The following ALPK2 variants were observed in gnomAD, a reference collection of about 807,000 sequenced individuals.
The protein encoded by ALPK2 is alpha kinase 2.
In ALPK2, 127 loss-of-function variants were observed where a neutral mutation model predicts 163.1. That is an observed-to-expected ratio of 0.78 (90% CI 0.67 to 0.90). The LOEUF (loss-of-function observed/expected upper bound fraction) is 0.90, where lower values mean the gene tolerates loss of function less well. ALPK2 is among the 40% of genes least tolerant of loss of function. The probability of loss-of-function intolerance (pLI) is 0.00; values close to 1 mark genes in which losing one functional copy is unlikely to be tolerated. For missense variants in ALPK2, 2,360 were observed against 2,589.6 expected, an observed-to-expected ratio of 0.91 and a Z score of 1.92; for synonymous variants, 953 against 959.1, an observed-to-expected ratio of 0.99 and a Z score of 0.12.
intron 4 of ALPK2, among the ~76,000 whole-genome samples, chr18:58,570,592 T>C (rs2051880725): frequency 6.6e-6 from 1 of 152,244 alleles, no homozygotes; most frequent in Non-Finnish European, 1.5e-5. Flanking sequence ...TTTGAAGGCA[T>C]GAACTCTCAA....
At chr18:58,583,217 T>C (rs1178027955) in intron 3 of ALPK2, among the ~76,000 whole-genome samples, 2 of 152,154 alleles carry the variant, frequency 1.3e-5, no homozygotes, top group African/African-American at 4.8e-5. Flanking sequence ...CAGAATCAGG[T>C]TGGAGTTGGG....
At chr18:58,601,748 A>G (rs2052071040) in intron 3 of ALPK2, among the ~76,000 whole-genome samples, 1 of 152,220 alleles carries the variant, frequency 6.6e-6, no homozygotes, top group Admixed American at 6.5e-5. Context: ...CTTGAGTGGC[A>G]TGAATGAGCA....
intron 1 of ALPK2, among the ~76,000 whole-genome samples, chr18:58,620,432 A>G (rs548226324): frequency 1.5e-4 from 23 of 152,372 alleles, no homozygotes; most frequent in African/African-American, 5.5e-4. Context: ...ATAATTATAC[A>G]ATATAATTCC....
At chr18:58,568,210 GGGATGCATATAT>G (rs1357665318) in intron 4 of ALPK2, among the ~76,000 whole-genome samples, 1 of 152,164 alleles carries the variant, frequency 6.6e-6, no homozygotes, top group Non-Finnish European at 1.5e-5. Flanking sequence ...AGGTGTTTCT[GGGATGCATATAT>G]GGCACTAGGA....
chr18:58,601,557 C>CT (rs2052069824), intron 3 of ALPK2, among the ~76,000 whole-genome samples: 1 of 152,170 alleles, frequency 6.6e-6, no homozygotes, highest in Non-Finnish European at 1.5e-5. Flanking sequence ...TGAGGCCCTG[C>CT]AGCTCCGTGA....
At position 58,579,661 on chromosome 18, in the gene ALPK2, C is replaced by T. The variant is rs373542550; in HGVS notation, c.1115G>A (p.Gly372Asp). ...EEMEFGEHCL[G>D]GCEHFLSGMG... is the part of the protein sequence containing the mutation. ...TCCACTGAGGAAATGCTCACACCCA[C>T]CCAGGCAATGCTCACCGAATTCCAT... Residue 372 changes from glycine (G) to aspartate (D), a missense_variant, in exon 4 of 13, where the codon GGT becomes GAT. By Grantham distance (94) the Gly-to-Asp change is moderately conservative. Transcript: ENST00000361673. The T allele has an allele frequency of 7.4e-6, 12 of 1,614,108 alleles. No individual in the cohort carries two copies. In the African/African-American group the frequency reaches 1.6e-4, roughly 22 times the overall value.
intron 1 of ALPK2, among the ~76,000 whole-genome samples, chr18:58,615,796 G>A (rs1311316424): frequency 6.6e-6 from 1 of 152,240 alleles, no homozygotes; most frequent in Non-Finnish European, 1.5e-5. Flanking sequence ...GTCAAGAGCT[G>A]GGCTGACGTT....
At chr18:58,617,483 A>G (rs557577372) in intron 1 of ALPK2, among the ~76,000 whole-genome samples, 49 of 152,258 alleles carry the variant, frequency 3.2e-4, no homozygotes, top group Non-Finnish European at 6.3e-4. Flanking sequence ...TACTGTGCCC[A>G]GCCAACTTCT....
intron 3 of ALPK2, among the ~76,000 whole-genome samples, chr18:58,595,084 G>A (rs536831697): frequency 2.2e-4 from 34 of 152,150 alleles, no homozygotes; most frequent in Middle Eastern, 3.2e-3. Context: ...ATGAGCTGAC[G>A]TGGGAGTCAC....
intron 8 of ALPK2, among the ~76,000 whole-genome samples, chr18:58,521,017 A>C (rs2051547697): frequency 6.6e-6 from 1 of 152,200 alleles, no homozygotes; most frequent in African/African-American, 2.4e-5. Context: ...CCCTGTCTCA[A>C]AGAAATAAAA....
intron 3 of ALPK2, among the ~76,000 whole-genome samples, chr18:58,599,248 C>T (rs2052056643): frequency 6.6e-6 from 1 of 152,154 alleles, no homozygotes. Context: ...ACCTATCACC[C>T]GAGGACTAAC....
rs1286756637 is a variant in ALPK2 at position 58,498,150 on chromosome 18, G to A, written c.6248-53C>T. 4 of 1,577,694 alleles carry A rather than the reference G, an allele frequency of 2.5e-6. No homozygotes were observed. The East Asian group carries it at 9.0e-5, about 35-fold the overall frequency. The stretch of plus-strand genomic sequence containing the variant: ...GTTTGTGTTACTCAGGGCCCCTCAG[G>A]AAGTTGGGCCATCTAGCCCCAGGGA... On this transcript the variant is annotated intron_variant, in intron 11 of 12. Coordinates refer to ENST00000361673, the MANE Select transcript of ALPK2 (RefSeq NM_052947.4).
At chr18:58,557,675 T>C (rs1438250391) in intron 4 of ALPK2, among the ~76,000 whole-genome samples, 5 of 44,546 alleles carry the variant, frequency 1.1e-4, no homozygotes, top group African/African-American at 3.8e-4. Context: ...TATACGTGTG[T>C]GTGTGTGTGT....
At position 58,503,935 on chromosome 18, in the gene ALPK2, C is replaced by T. The variant is rs1466503153; in HGVS notation, c.6243G>A (p.Met2081Ile). Residue 2081 changes from methionine to isoleucine, a missense_variant, in exon 11 of 13, where the codon ATG (methionine) becomes ATA (isoleucine). Coordinates refer to ENST00000361673, the MANE Select transcript of ALPK2 (RefSeq NM_052947.4). ...GGGCTAAGCTGCTTTCCTCACCTTG[C>T]ATGTCCGTCACCAGGAGGCAGCCAC... ...KTSGCLLVTD[M>I]QGVGMKLTDV... The T allele has an allele frequency of 1.2e-6, 2 of 1,612,388 alleles. No individual in the cohort carries two copies. Among genetic ancestry groups the T allele is most frequent in the African/African-American group, 1.3e-5 (1 of 74,896 alleles).
intron 1 of ALPK2, among the ~76,000 whole-genome samples, chr18:58,614,348 T>C (rs2052152704): frequency 6.6e-6 from 1 of 152,230 alleles, no homozygotes; most frequent in African/African-American, 2.4e-5. Flanking sequence ...TTGACATTCT[T>C]TAACAAATGA....
At chr18:58,610,191 T>C (rs1057122942) in intron 2 of ALPK2, among the ~76,000 whole-genome samples, 1 of 150,474 alleles carries the variant, frequency 6.6e-6, no homozygotes, top group African/African-American at 2.5e-5. Context: ...TGAGAATTGC[T>C]TGAACCTGGG....
chr18:58,545,883 G>C (rs1017477536), intron 4 of ALPK2, among the ~76,000 whole-genome samples: 2 of 152,006 alleles, frequency 1.3e-5, no homozygotes, highest in Non-Finnish European at 2.9e-5. Context: ...CCTCCCCCAC[G>C]GATAACCTTT....
chr18:58,503,893 C>T, intron 11 of ALPK2, 38 bp downstream of exon 11: 1 of 1,575,472 alleles, frequency 6.3e-7, no homozygotes, highest in Non-Finnish European at 8.7e-7. Flanking sequence ...CTCTGGCCCA[C>T]AGCATCCCTG....
intron 1 of ALPK2, among the ~76,000 whole-genome samples, chr18:58,619,184 C>T (rs541627706): frequency 6.6e-6 from 1 of 152,326 alleles, no homozygotes; most frequent in African/African-American, 2.4e-5. Context: ...TAACACATTT[C>T]GGGTGCCTAC....
Sources: gnomAD v4.1 joint callset for allele counts (sites outside exome capture counted in the v4.1 genomes callset) on GRCh38, gnomAD v4.1.1 for gene constraint, MANE v1.5 for transcripts, NCBI Gene and HGNC (gene_info 2026-07-23, HGNC 2026-07-21) for gene names.